DAB1: variants seen among roughly 807,000 people sequenced by gnomAD.
DAB1 encodes disabled homolog 1.
DAB1 carries 15 observed loss-of-function variants against 64.6 expected under a neutral mutation model. The observed-to-expected ratio is 0.23, with a 90% CI of 0.16 to 0.36. The LOEUF is 0.36. Among genes scored for constraint, DAB1 ranks in the 10% least tolerant of loss-of-function variants. The pLI, the probability that DAB1 is intolerant of heterozygous loss-of-function variation, is 1.00. For missense variants in DAB1, 596 were observed against 706.7 expected (o/e 0.84, Z 1.78); for synonymous variants, 235 against 251.9 (o/e 0.93, Z 0.64).
intron 7 of DAB1, among the ~76,000 whole-genome samples, chr1:57,477,303 G>T (rs1185383960): frequency 6.6e-6 from 1 of 152,172 alleles, no homozygotes; most frequent in African/African-American, 2.4e-5. Context: ...CCTAAAACCA[G>T]AGTTTAATAA....
chr1:57,158,796 T>C (rs115882801), intron 2 of DAB1, among the ~76,000 whole-genome samples: 89 of 152,332 alleles, frequency 5.8e-4, no homozygotes, highest in African/African-American at 2.0e-3. Context: ...ATGAACATGG[T>C]TGCTGTCATT....
intron 1 of DAB1, among the ~76,000 whole-genome samples, chr1:57,332,410 T>C (rs1292122475): frequency 1.3e-5 from 2 of 152,228 alleles, no homozygotes; most frequent in Non-Finnish European, 2.9e-5. Context: ...GTAATAACAG[T>C]GTCTGTTACC....
At chr1:57,450,517 G>C (rs1015210727) in intron 7 of DAB1, among the ~76,000 whole-genome samples, 2 of 152,154 alleles carry the variant, frequency 1.3e-5, no homozygotes, top group African/African-American at 4.8e-5. Flanking sequence ...GAAATTATGT[G>C]TTTATTAAAA....
chr1:57,567,686 AG>A (rs778251713), intron 7 of DAB1, among the ~76,000 whole-genome samples: 6 of 152,224 alleles, frequency 3.9e-5, no homozygotes, highest in African/African-American at 7.2e-5. Context: ...AATTGCTTAA[AG>A]AGAATAAAAC....
chr1:57,566,942 C>A (rs1205592003), intron 7 of DAB1, among the ~76,000 whole-genome samples: 2 of 152,136 alleles, frequency 1.3e-5, no homozygotes, highest in Non-Finnish European at 2.9e-5. Flanking sequence ...CAGCATCATC[C>A]TGATACCAAA....
At chr1:57,402,219 A>T (rs894871391) in intron 1 of DAB1, among the ~76,000 whole-genome samples, 1 of 152,158 alleles carries the variant, frequency 6.6e-6, no homozygotes, top group Non-Finnish European at 1.5e-5. Context: ...TGGAGAGTTT[A>T]AAAAAATTGG....
chr1:58,174,638 G>A (rs1026880369), intron 4 of DAB1, among the ~76,000 whole-genome samples: 1 of 152,202 alleles, frequency 6.6e-6, no homozygotes, highest in African/African-American at 2.4e-5. Context: ...GGGTCGGGTG[G>A]GGACTTGGAG....
At chr1:57,534,300 C>T (rs1181786853) in intron 7 of DAB1, among the ~76,000 whole-genome samples, 2 of 152,096 alleles carry the variant, frequency 1.3e-5, no homozygotes, top group Non-Finnish European at 2.9e-5. Context: ...TCAATACACA[C>T]CAAATTGCAA....
chr1:57,558,984 G>T (rs1157323643), intron 7 of DAB1, among the ~76,000 whole-genome samples: 1 of 152,148 alleles, frequency 6.6e-6, no homozygotes, highest in South Asian at 2.1e-4. Context: ...TTCTCCATAT[G>T]TCGGGTCTAA....
intron 7 of DAB1, among the ~76,000 whole-genome samples, chr1:57,621,979 C>T (rs1479960262): frequency 1.3e-5 from 2 of 152,112 alleles, no homozygotes; most frequent in African/African-American, 4.8e-5. Flanking sequence ...GACTCAAATG[C>T]CCTGAGCAGT....
intron 1 of DAB1, among the ~76,000 whole-genome samples, chr1:57,321,591 G>T (rs1026219090): frequency 2.6e-5 from 4 of 152,160 alleles, no homozygotes; most frequent in Non-Finnish European, 5.9e-5. Context: ...CAGAATCTTA[G>T]AGATGGAAGG....
intron 5 of DAB1, among the ~76,000 whole-genome samples, chr1:58,000,913 G>T (rs1026413300): frequency 2.0e-5 from 3 of 151,580 alleles, no homozygotes; most frequent in Non-Finnish European, 4.4e-5. Flanking sequence ...TTATCTTCCT[G>T]TCTCCTGTCA....
At chr1:58,126,453 T>TC (rs1397943148) in intron 5 of DAB1, among the ~76,000 whole-genome samples, 4 of 112,772 alleles carry the variant, frequency 3.5e-5, no homozygotes, top group African/African-American at 1.9e-4. Flanking sequence ...TTTTCTTTTT[T>TC]TCTTTTTTTT....
Position 57,026,045 on chromosome 1 carries a change from T to C in DAB1, c.724-2A>G. 1 of 1,601,752 alleles carries C rather than the reference T, an allele frequency of 6.2e-7. No homozygotes were observed. Among genetic ancestry groups the C allele is most frequent in the Admixed American group, 1.7e-5 (1 of 57,804 alleles). ...AAAAAGTTCTAATTGGGTCACAGCC[T>C]GTAAAGACAAAAAGGTAATCATGTG... is the stretch of plus-strand genomic sequence containing the variant. On this transcript the variant is annotated splice_acceptor_variant, in intron 9 of 14. Transcript: ENST00000371236. LOFTEE classifies it high-confidence loss of function.
intron 5 of DAB1, among the ~76,000 whole-genome samples, chr1:58,008,875 C>A (rs1015026644): frequency 6.6e-6 from 1 of 152,100 alleles, no homozygotes; most frequent in African/African-American, 2.4e-5. Flanking sequence ...ACTCAACAAC[C>A]CTGAGCACCT....
At chr1:58,275,169 TA>T (rs1661412322) in intron 4 of DAB1, among the ~76,000 whole-genome samples, 1 of 152,168 alleles carries the variant, frequency 6.6e-6, no homozygotes, top group South Asian at 2.1e-4. Flanking sequence ...ATACTCTATG[TA>T]AAAATTAACA....
At chr1:57,864,679 T>A (rs528621965) in intron 1 of DAB1, 39 of 136,222 alleles carry the variant, frequency 2.9e-4, no homozygotes, top group South Asian at 1.6e-3. Flanking sequence ...TATTTATTTA[T>A]TTAATTATTT....
intron 9 of DAB1, among the ~76,000 whole-genome samples, chr1:57,040,501 G>A (rs1238008249): frequency 2.0e-5 from 3 of 152,160 alleles, no homozygotes; most frequent in African/African-American, 7.2e-5. Context: ...TCAAATATCT[G>A]ACATTTGACA....
intron 5 of DAB1, among the ~76,000 whole-genome samples, chr1:58,068,223 G>T (rs958620431): frequency 6.6e-6 from 1 of 152,342 alleles, no homozygotes; most frequent in Non-Finnish European, 1.5e-5. Context: ...GTGAAGTGGA[G>T]GAAACTGGGT....
Sources: allele counts gnomAD v4.1 joint callset (sites outside exome capture counted in the v4.1 genomes callset), GRCh38; gene constraint gnomAD v4.1.1; transcripts MANE v1.5; gene names NCBI Gene and HGNC (gene_info 2026-07-23, HGNC 2026-07-21).